RRP9: variants seen among roughly 807,000 people sequenced by gnomAD.
The protein encoded by RRP9 is U3 small nucleolar RNA-interacting protein 2.
Under a neutral mutation model 65.5 loss-of-function variants are expected in RRP9, and 35 were observed. The ratio of observed to expected loss-of-function variants is 0.53; its 90% CI spans 0.41 to 0.71. The LOEUF is 0.71. Among genes scored for constraint, RRP9 ranks in the 30% least tolerant of loss-of-function variants. The pLI, the probability that RRP9 is intolerant of heterozygous loss-of-function variation, is 0.00. For missense variants in RRP9, 533 were observed against 633.6 expected (o/e 0.84, Z 1.70); for synonymous variants, 254 against 245.0 (o/e 1.04, Z -0.34).
chr3:51,940,208 ATCGCACCACTGCAC>A (rs1321657594), intron 2 of RRP9, among the ~76,000 whole-genome samples: 1 of 152,140 alleles, frequency 6.6e-6, no homozygotes, highest in East Asian at 1.9e-4. Context: ...GTGAGCCGAG[ATCGCACCACTGCAC>A]TCCAGCCTGG....
At chr3:51,935,089 T>TAC (rs1234199003) in intron 11 of RRP9, 108 bp downstream of exon 11, 5 of 1,215,190 alleles carry the variant, frequency 4.1e-6, no homozygotes, top group Non-Finnish European at 6.0e-6. Context: ...GAAAAGAGGT[T>TAC]ACAACAGCTC....
chr3:51,935,878 TA>T, intron 8 of RRP9, among the ~76,000 whole-genome samples, 186 bp from the exon 9 acceptor site: 1 of 152,192 alleles, frequency 6.6e-6, no homozygotes, highest in Non-Finnish European at 1.5e-5. Context: ...TTATTTTTTT[TA>T]GCGACAGGGT....
rs1220563548 is a variant in RRP9, at chr3:51,935,445, C to G, written c.868G>C (p.Asp290His). The change falls in exon 10 of 15, where the codon GAT (aspartate) becomes CAT (histidine). Residue 290 changes from aspartate to histidine, a missense_variant. This residue lies in a region of RRP9 where 449 missense variants were observed against 550.6 expected (regional missense o/e 0.82). Coordinates refer to ENST00000232888, the MANE Select transcript of RRP9 (RefSeq NM_004704.5). ...ACACAGCACTCCCGGCTCAAGGCATCCAGTGCAGCCACAGCGTCCTGGTGT... is the reference window on the plus strand; with the variant it reads ...ACACAGCACTCCCGGCTCAAGGCATGCAGTGCAGCCACAGCGTCCTGGTGT... Reference protein sequence around the residue: ...FGHQDAVAALDALSRECCVTA... With the variant: ...FGHQDAVAALHALSRECCVTA... 3.1e-6 allele frequency: 5 copies of G among 1,614,186 alleles called. No individual in the cohort carries two copies. The highest frequency in any genetic ancestry group is 4.2e-6 in the Non-Finnish European group (5 of 1,180,038).
At chr3:51,938,328 G>A (rs375630718) in intron 2 of RRP9, 124 bp from the exon 3 acceptor site, 1 of 698,104 alleles carries the variant, frequency 1.4e-6, no homozygotes. Context: ...CACATGGTCG[G>A]TGACTACACT....
chr3:51,936,271 G>C lies in RRP9; in HGVS notation c.721C>G (p.Arg241Gly), dbSNP rs773847916. 1 of 1,613,892 alleles carries C rather than the reference G, an allele frequency of 6.2e-7. No individual in the cohort carries two copies. Among genetic ancestry groups the C allele is most frequent in the South Asian group, 1.1e-5 (1 of 91,068 alleles). Residue 241 changes from arginine (R) to glycine (G), a missense_variant, in exon 8 of 15, where the codon CGG becomes GGG. Arg to Gly is a moderately radical substitution (Grantham distance 125). Transcript: ENST00000232888. ...CAGCTCCTCACCGACACTGCATCCC[G>C]GTGTCCTGTGAAGGTGTACAAGTGC... is the stretch of plus-strand genomic sequence containing the variant. Reference protein sequence around the residue: ...CQHLYTFTGHRDAVSGLAFRR... With the variant: ...CQHLYTFTGHGDAVSGLAFRR...
chr3:51,941,820 C>T lies in RRP9; in HGVS notation c.48G>A (p.Gly16=), dbSNP rs1216223655. The change falls in exon 1 of 15, where the codon GGG becomes GGA. Residue 16 remains glycine (G), a synonymous_variant. Transcript: ENST00000232888. The stretch of plus-strand genomic sequence containing the variant: ...TGCCGGCCCCCGCGCCAGCCCCGGC[C>T]CCAGAGGCCGGCTTTCCCCGCTTAC... ...AARKRGKPAS[G]AGAGAGAGKR... is the part of the protein sequence containing the mutation. 1.3e-6 allele frequency: 2 copies of T among 1,581,976 alleles called. No individual in the cohort carries two copies. Among genetic ancestry groups the T allele is most frequent in the South Asian group, 2.3e-5 (2 of 88,156 alleles).
intron 8 of RRP9, 109 bp from the exon 9 acceptor site, chr3:51,935,801 G>T: frequency 1.2e-6 from 1 of 845,750 alleles, no homozygotes; most frequent in Non-Finnish European, 2.0e-6. Context: ...CACGTGCTGT[G>T]AGGCAATTTT....
At chr3:51,941,551 G>C in intron 1 of RRP9, 60 bp from the exon 2 acceptor site, 1 of 1,491,874 alleles carries the variant, frequency 6.7e-7, no homozygotes, top group Non-Finnish European at 9.3e-7. Context: ...CATTGACCAA[G>C]GGCCCCCCCC....
rs771048637 is a variant in RRP9, at chr3:51,937,734, C to T, written c.283G>A (p.Glu95Lys). The T allele has an allele frequency of 1.2e-6, 2 of 1,614,066 alleles. No homozygotes were observed. Among genetic ancestry groups the T allele is most frequent in the Non-Finnish European group, 1.7e-6 (2 of 1,180,038 alleles). The part of the protein sequence containing the change: ...LYLEQLRQQE[E>K]EKAEARAFEE... The stretch of plus-strand genomic sequence containing the variant: ...AATGCACGGGCCTCAGCCTTCTCCT[C>T]CTCTGTGCAGGACAGACCAGACCAA... Residue 95 changes from glutamate to lysine, a missense_variant and splice_region_variant, in exon 4 of 15, where the codon GAG becomes AAG. Glu to Lys is a moderately conservative substitution (Grantham distance 56). Coordinates refer to ENST00000232888, the MANE Select transcript of RRP9 (RefSeq NM_004704.5). This position sits in a 1 kb window ranked among gnomAD's most constrained non-coding sequence, Gnocchi z 5.0.
intron 1 of RRP9, 54 bp downstream of exon 1, chr3:51,941,727 G>C: frequency 6.9e-7 from 1 of 1,457,578 alleles, no homozygotes; most frequent in Non-Finnish European, 9.3e-7. Context: ...TGGATGGGAT[G>C]ACGGTTGTCC....
intron 9 of RRP9, 23 bp downstream of exon 9, chr3:51,935,569 C>T: frequency 6.2e-7 from 1 of 1,613,730 alleles, no homozygotes. Context: ...ACCATCCACA[C>T]ACCCTCTCCC....
At chr3:51,936,948 G>A (rs1328048305) in intron 6 of RRP9, among the ~76,000 whole-genome samples, 1 of 152,184 alleles carries the variant, frequency 6.6e-6, no homozygotes, top group Non-Finnish European at 1.5e-5. Context: ...CCTACCTGCA[G>A]CATTAATTCC....
At chr3:51,933,639 C>G (rs1419286085) in intron 14 of RRP9, 40 bp from the exon 15 acceptor site, 1 of 1,611,590 alleles carries the variant, frequency 6.2e-7, no homozygotes, top group East Asian at 2.2e-5. Context: ...TCGGCCCAGT[C>G]TCCACCCCAT....
rs1331711911 is a variant in RRP9, at chr3:51,936,336, C to T, written c.656G>A (p.Arg219His). The T allele has an allele frequency of 1.2e-6, 2 of 1,614,044 alleles. No homozygotes were observed. The highest frequency in any genetic ancestry group is 1.3e-5 in the African/African-American group (1 of 74,930). Residue 219 changes from arginine to histidine, a missense_variant, in exon 8 of 15, where the codon CGC (arginine) becomes CAC (histidine). Physicochemically the swap from Arg to His is conservative, Grantham distance 29. Around this residue, in one of 3 missense-constraint regions of RRP9, gnomAD observed 449 missense variants for 550.6 expected, o/e 0.82. Coordinates refer to ENST00000232888, the MANE Select transcript of RRP9 (RefSeq NM_004704.5). ...CTCCCAAATGAGAATGAGCTTGCTG[C>T]GGTCACCAGAGGCCTGCAGGGATGA... ...SDGKYLASGD[R>H]SKLILIWEAQ... is the part of the protein sequence containing the mutation.
rs1559743152 is a variant in RRP9, at chr3:51,935,326, TGGCA to T, written c.971+12_971+15del. On this transcript the variant is annotated intron_variant, in intron 10 of 14. Transcript: ENST00000232888. ...CCAGCCCATGTAGCCCCCACTGGCA[TGGCA>T]GGCCACCTTACTGGTGGCCATAGAA... 1.2e-6 allele frequency: 2 copies of T among 1,614,094 alleles called. No homozygotes were observed. The highest frequency in any genetic ancestry group is 1.1e-5 in the South Asian group (1 of 91,090).
Position 51,935,635 on chromosome 3 carries a change from C to G in RRP9, c.793G>C (p.Val265Leu). Residue 265 changes from valine (V) to leucine (L), a missense_variant, in exon 9 of 15, where the codon GTG (valine) becomes CTG (leucine). Physicochemically the swap from Val to Leu is conservative, Grantham distance 32. Around this residue, in one of 3 missense-constraint regions of RRP9, gnomAD observed 449 missense variants for 550.6 expected, o/e 0.82. Transcript: ENST00000232888. ...QLYSTSHDRS[V>L]KVWNVAENSY... ...TTCTCTGCCACATTCCACACCTTCA[C>G]GGAGCGATCGTGGGATGTGCTGTAG... 6.2e-7 allele frequency: 1 copy of G among 1,614,184 alleles called. No homozygotes were observed. The highest frequency in any genetic ancestry group is 2.2e-5 in the East Asian group (1 of 44,870).
intron 11 of RRP9, 98 bp downstream of exon 11, chr3:51,935,099 C>T: frequency 6.9e-6 from 9 of 1,307,086 alleles, no homozygotes; most frequent in African/African-American, 2.9e-5. Flanking sequence ...TACAACAGCT[C>T]CCCCACTGGG....
intron 14 of RRP9, 45 bp from the exon 15 acceptor site, chr3:51,933,644 C>G: frequency 6.2e-7 from 1 of 1,610,778 alleles, no homozygotes; most frequent in Non-Finnish European, 8.5e-7. Context: ...CCAGTCTCCA[C>G]CCCATTTCCA....
chr3:51,941,006 G>A (rs938568710), intron 2 of RRP9, among the ~76,000 whole-genome samples: 12 of 152,146 alleles, frequency 7.9e-5, no homozygotes, highest in East Asian at 3.8e-4. Context: ...CTCTTCACCC[G>A]CCTGCCTATC....
Sources: gnomAD v4.1 joint callset for allele counts (sites outside exome capture counted in the v4.1 genomes callset) on GRCh38, gnomAD v4.1.1 for gene constraint, gnomAD v4.1.1 regional missense constraint, Gnocchi (gnomAD v3.1) non-coding constraint, MANE v1.5 for transcripts, NCBI Gene and HGNC (gene_info 2026-07-23, HGNC 2026-07-21) for gene names.